CAMTA2: variants seen among roughly 807,000 people sequenced by gnomAD.
The protein encoded by CAMTA2 is calmodulin binding transcription activator 2.
Under a neutral mutation model 135.7 loss-of-function variants are expected in CAMTA2, and 56 were observed. That is an observed-to-expected ratio of 0.41 (90% confidence interval 0.33 to 0.52). The LOEUF (loss-of-function observed/expected upper bound fraction) is 0.52. Ranked by LOEUF, CAMTA2 falls within the 20% of genes least tolerant of loss-of-function variation. The pLI is 0.16. For missense variants in CAMTA2, 1,358 were observed against 1,553.4 expected (o/e 0.87, Z 2.11); for synonymous variants, 591 against 604.6 (o/e 0.98, Z 0.33).
At chr17:4,983,095 C>T (rs780845264) in intron 3 of CAMTA2, 52 bp from the exon 4 acceptor site, 1 of 1,487,624 alleles carries the variant, frequency 6.7e-7, no homozygotes, top group South Asian at 1.1e-5. Flanking sequence ...AGAGTCTCAG[C>T]CTGGCCTCTT....
In CAMTA2 at chr17:4,970,525, G is replaced by C. The variant is rs144421247; in HGVS notation, c.2820C>G (p.Ile940Met). Residue 940 changes from isoleucine (I) to methionine (M), a missense_variant, in exon 17 of 23, where the codon ATC becomes ATG. Physicochemically the swap from Ile to Met is conservative, Grantham distance 10. This residue lies in a region of CAMTA2 where 1,077 missense variants were observed against 1,127.5 expected (regional missense o/e 0.96). Coordinates refer to ENST00000348066, the MANE Select transcript of CAMTA2 (RefSeq NM_015099.4). ...CTTCGATGATCTGCTTGGCTAGTGA[G>C]ATCATGTCCACCTGGAAGAAGGGAG... ...QAVDVIPVDM[I>M]SLAKQIIEAT... 13 of 1,610,262 alleles carry C rather than the reference G, an allele frequency of 8.1e-6. No homozygotes were observed. Among genetic ancestry groups the C allele is most frequent in the Middle Eastern group, 1.6e-4 (1 of 6,082 alleles).
intron 11 of CAMTA2, among the ~76,000 whole-genome samples, chr17:4,974,940 A>G (rs16942622): frequency 0.031 from 4,648 of 152,250 alleles, 225 homozygotes; most frequent in African/African-American, 0.11. Flanking sequence ...CACTGCCCCA[A>G]AAAGCTCAGG....
Position 4,968,659 on chromosome 17 carries a change from A to C in CAMTA2, c.*97T>G. ...GAGGGCTCCAACAAAGGTGAACAGG[A>C]AAGCTGCCGACAGGGGCTCCCCCTG... On this transcript the variant is annotated 3_prime_UTR_variant, in exon 23 of 23. Coordinates refer to ENST00000348066, the MANE Select transcript of CAMTA2 (RefSeq NM_015099.4). 1 of 1,427,948 alleles carries C rather than the reference A, an allele frequency of 7.0e-7. No homozygotes were observed. The highest frequency in any genetic ancestry group is 9.7e-7 in the Non-Finnish European group (1 of 1,026,252). The allele number at this position is 1,427,948 out of a possible 1,614,324, so 88.5% of individuals were successfully genotyped here. A position where few individuals can be genotyped will look rare whatever the true frequency, so the allele number is the denominator to read the frequency against.
chr17:4,970,548 G>C lies in CAMTA2; in HGVS notation c.2809-12C>G, dbSNP rs778224388. On this transcript the variant is annotated splice_polypyrimidine_tract_variant and intron_variant, in intron 16 of 22. Coordinates refer to ENST00000348066, the MANE Select transcript of CAMTA2 (RefSeq NM_015099.4). ...GAGATCATGTCCACCTGGAAGAAGG[G>C]AGAAGCTGAGTGAGTCCTTAGGGGC... 1 of 1,604,672 alleles carries C rather than the reference G, an allele frequency of 6.2e-7. No homozygotes were observed. Among genetic ancestry groups the C allele is most frequent in the South Asian group, 1.1e-5 (1 of 91,062 alleles).
chr17:4,982,610 C>G (rs1427062195), intron 5 of CAMTA2, 147 bp downstream of exon 5: 1 of 880,078 alleles, frequency 1.1e-6, no homozygotes, highest in East Asian at 2.6e-5. Flanking sequence ...AAAGCAATGT[C>G]AGCCGACCCA....
chr17:4,974,413 C>G lies in CAMTA2; in HGVS notation c.1988G>C (p.Cys663Ser), dbSNP rs752862950. The G allele has an allele frequency of 6.2e-7, 1 of 1,613,612 alleles. No individual in the cohort carries two copies. Among genetic ancestry groups the G allele is most frequent in the South Asian group, 1.1e-5 (1 of 91,060 alleles). ...AEIAAAGQVP[C>S]QGPDAPPVQD... ...AACTGGAGGAGCATCAGGACCCTGG[C>G]AAGGCACCTGCCCAGCTGCTGCGAT... Residue 663 changes from cysteine to serine, a missense_variant, in exon 12 of 23, where the codon TGC becomes TCC. Transcript: ENST00000348066.
At chr17:4,979,601 C>T (rs943456964) in intron 9 of CAMTA2, 83 bp downstream of exon 9, 26 of 938,392 alleles carry the variant, frequency 2.8e-5, no homozygotes, top group Middle Eastern at 4.8e-4. Context: ...TCACAGACCA[C>T]GGGGTAAGAG....
At chr17:4,982,183 G>T (rs758438001) in intron 5 of CAMTA2, 23 bp from the exon 6 acceptor site, 8 of 761,118 alleles carry the variant, frequency 1.1e-5, no homozygotes, top group South Asian at 6.8e-5. Flanking sequence ...AGGCTGGGGT[G>T]GGGGGAGGGC....
chr17:4,979,702 T>C lies in CAMTA2; in HGVS notation c.1620A>G (p.Pro540=). 6.2e-7 allele frequency: 1 copy of C among 1,613,444 alleles called. No individual in the cohort carries two copies. The highest frequency in any genetic ancestry group is 8.5e-7 in the Non-Finnish European group (1 of 1,179,604). ...GTCTCACCTCTGGGTAGGACCACTCTGGGGAGAAGTCTGTGATGGTGCTAA... is the reference window on the plus strand; with the variant it reads ...GTCTCACCTCTGGGTAGGACCACTCCGGGGAGAAGTCTGTGATGGTGCTAA... ...PALSTITDFS[P]EWSYPEGGVK... Residue 540 remains proline, a synonymous_variant, in exon 9 of 23, where the codon CCA becomes CCG. Transcript: ENST00000348066.
Position 4,973,695 on chromosome 17 carries a change from C to T in CAMTA2, c.2091G>A (p.Trp697Ter), listed in dbSNP as rs1382203375. The T allele has an allele frequency of 6.2e-7, 1 of 1,614,244 alleles. No homozygotes were observed. The change falls in exon 13 of 23, where the codon TGG (tryptophan) becomes TGA (stop). Residue 697 changes from tryptophan (W) to a stop codon, truncating the protein, a stop_gained. Transcript: ENST00000348066. LOFTEE classifies it high-confidence loss of function. ...CATGGGCCAGACGTTCAGGACCCTT[C>T]CAGGTGGAGCGTGGGATCATGCTTT... is the stretch of plus-strand genomic sequence containing the variant. ...LVESMIPRST[W>*]KGPERLAHGS...
rs1567695795 is a variant in CAMTA2 at position 4,980,434 on chromosome 17, G to C, written c.888C>G (p.Ser296=). 6.2e-7 allele frequency: 1 copy of C among 1,613,622 alleles called. No homozygotes were observed. Among genetic ancestry groups the C allele is most frequent in the Non-Finnish European group, 8.5e-7 (1 of 1,179,870 alleles). Residue 296 remains serine (S), a synonymous_variant, in exon 9 of 23, where the codon TCC becomes TCG. Transcript: ENST00000348066. The surrounding 1 kb of genome is among the most constrained non-coding windows in gnomAD (Gnocchi z 5.3). ...AHTSPSSSSS[S]SSSGFAEPLE... is the part of the protein sequence containing the mutation. ...GGGGCTCTGCAAAACCTGATGAGGA[G>C]GAAGAAGAGGAAGAAGATGGGGAGG...
chr17:4,973,985 A>C (rs532639874), intron 12 of CAMTA2: 2 of 571,642 alleles, frequency 3.5e-6, no homozygotes, highest in Non-Finnish European at 6.2e-6. Flanking sequence ...AATCTTGCCC[A>C]TGTGCCTTCC....
chr17:4,972,900 C>T lies in CAMTA2; in HGVS notation c.2372G>A (p.Arg791His), dbSNP rs767482239. Residue 791 changes from arginine (R) to histidine (H), a missense_variant, in exon 15 of 23, where the codon CGT becomes CAT. Transcript: ENST00000348066. ...GGAATGAGCCACAGACAATGGCAGA[C>T]GGCCCAGAGAGTCGGGAATGCTCAG... The part of the protein sequence containing the change: ...QALSIPDSLG[R>H]LPLSVAHSRG... 38 of 1,613,852 alleles carry T rather than the reference C, an allele frequency of 2.4e-5. No homozygotes were observed. Among genetic ancestry groups the T allele is most frequent in the Non-Finnish European group, 2.8e-5 (33 of 1,180,006 alleles).
Position 4,970,434 on chromosome 17 carries a change from C to T in CAMTA2, c.2911G>A (p.Glu971Lys), listed in dbSNP as rs753601574. ...CTGAGCCCCACAGCCCCTGTCCGCT[C>T]CCGCATTGAGGCTCCAGCCTCGGGC... ...GLPEAGASMRERTGAVGLSET... is the reference protein window; with the variant it reads ...GLPEAGASMRKRTGAVGLSET... The change falls in exon 17 of 23, where the codon GAG becomes AAG. Residue 971 changes from glutamate (E) to lysine (K), a missense_variant. Glu to Lys is a moderately conservative substitution (Grantham distance 56). Around this residue, in one of 4 missense-constraint regions of CAMTA2, gnomAD observed 1,077 missense variants for 1,127.5 expected, o/e 0.96. Transcript: ENST00000348066. 9 of 1,614,222 alleles carry T rather than the reference C, an allele frequency of 5.6e-6. No individual in the cohort carries two copies. The highest frequency in any genetic ancestry group is 7.6e-6 in the Non-Finnish European group (9 of 1,180,028).
rs2143129753 is a variant in CAMTA2 at position 4,987,664 on chromosome 17, A to C, written c.-136T>G. 1 of 1,519,374 alleles carries C rather than the reference A, an allele frequency of 6.6e-7. No homozygotes were observed. Among genetic ancestry groups the C allele is most frequent in the Non-Finnish European group, 8.8e-7 (1 of 1,138,028 alleles). The allele number at this position is 1,519,374 out of a possible 1,614,324, so 94.1% of individuals were successfully genotyped here. On this transcript the variant is annotated 5_prime_UTR_variant, in exon 1 of 23. Transcript: ENST00000348066. ...CACCGACCCCCCCCAGCGCCGGCTG[A>C]CAGCGGCGTCTAACGTCACTGCGCA...
Position 4,968,565 on chromosome 17 carries a change from G to T in CAMTA2, c.*191C>A. 3.2e-6 allele frequency: 2 copies of T among 632,958 alleles called. No homozygotes were observed. The highest frequency in any genetic ancestry group is 5.6e-6 in the Non-Finnish European group (2 of 360,318). 39.2% of individuals were successfully genotyped at this position (632,958 alleles called of 1,614,324 possible). A position where few individuals can be genotyped will look rare whatever the true frequency, so the allele number is the denominator to read the frequency against. The stretch of plus-strand genomic sequence containing the variant: ...TCTGGAGCCAGGACCAAAAGAGACG[G>T]GGCACGACCAGGAGGGACGAGGAGA... On this transcript the variant is annotated 3_prime_UTR_variant, in exon 23 of 23. Coordinates refer to ENST00000348066, the MANE Select transcript of CAMTA2 (RefSeq NM_015099.4).
Position 4,977,058 on chromosome 17 carries a change from C to T in CAMTA2, c.1900G>A (p.Asp634Asn), listed in dbSNP as rs1972658542. The T allele has an allele frequency of 1.2e-6, 2 of 1,613,948 alleles. No individual in the cohort carries two copies. Among genetic ancestry groups the T allele is most frequent in the Non-Finnish European group, 8.5e-7 (1 of 1,179,982 alleles). The change falls in exon 11 of 23, where the codon GAC becomes AAC. Residue 634 changes from aspartate to asparagine, a missense_variant and splice_region_variant. Coordinates refer to ENST00000348066, the MANE Select transcript of CAMTA2 (RefSeq NM_015099.4). ...STQLDWLSLD[D>N]NQFRMSILER... ...TGGGTTCAGAGGGCTGGGTACTCAC[C>T]GTCCAGTGACAGCCAGTCAAGTTGA...
In CAMTA2 at chr17:4,973,220, C is replaced by CTGCTCTAAGTCCAAGCT; in HGVS notation, c.2218_2234dup (p.Glu746AlafsTer4). 6.2e-7 allele frequency: 1 copy of CTGCTCTAAGTCCAAGCT among 1,614,128 alleles called. No individual in the cohort carries two copies. ...GATCCACGTTGAGCGGGTCAACCTC[C>CTGCTCTAAGTCCAAGCT]TGCTCTAAGTCCAAGCTTCCAGTCT... On this transcript the variant is annotated stop_gained and frameshift_variant, in exon 14 of 23. Coordinates refer to ENST00000348066, the MANE Select transcript of CAMTA2 (RefSeq NM_015099.4). LOFTEE classifies it high-confidence loss of function.
At chr17:4,987,513 G>A in intron 1 of CAMTA2, 80 bp downstream of exon 1, 1 of 1,428,786 alleles carries the variant, frequency 7.0e-7, no homozygotes, top group South Asian at 1.4e-5. Context: ...TCCCTGGCGC[G>A]GCGCTCCGCG....
Sources: gnomAD v4.1 joint callset for allele counts (sites outside exome capture counted in the v4.1 genomes callset) on GRCh38, gnomAD v4.1.1 for gene constraint, gnomAD v4.1.1 regional missense constraint, Gnocchi (gnomAD v3.1) non-coding constraint, MANE v1.5 for transcripts, NCBI Gene and HGNC (gene_info 2026-07-23, HGNC 2026-07-21) for gene names.